ERGIC3: variants seen among roughly 807,000 people sequenced by gnomAD.
The protein encoded by ERGIC3 is endoplasmic reticulum-Golgi intermediate compartment protein 3.
ERGIC3 carries 33 observed loss-of-function variants against 54.7 expected under a neutral mutation model. The ratio of observed to expected loss-of-function variants is 0.60; its 90% CI spans 0.46 to 0.81. The LOEUF is 0.81. Among genes scored for constraint, ERGIC3 ranks in the 30% least tolerant of loss-of-function variants. ERGIC3 has a pLI of 0.00. For synonymous variants in ERGIC3, 186 were observed against 189.8 expected (o/e 0.98, Z 0.16); for missense variants, 399 against 488.4 (o/e 0.82, Z 1.73).
At position 35,544,614 on chromosome 20, in the gene ERGIC3, C is replaced by G. The variant is rs367815661; in HGVS notation, c.367+1673C>G. ...ATACGGGGCGAAACCACACACCTCT[C>G]GGATCATGTCCCACATGAATTTGGT... On this transcript the variant is annotated intron_variant, in intron 4 of 12. Coordinates refer to ENST00000348547, the MANE Select transcript of ERGIC3 (RefSeq NM_015966.3). 5 of 250,486 alleles carry G rather than the reference C, an allele frequency of 2.0e-5. No individual in the cohort carries two copies. In the East Asian group the frequency reaches 5.7e-4, roughly 28 times the overall value. 15.5% of individuals were successfully genotyped at this position (250,486 alleles called of 1,614,324 possible).
At chr20:35,550,552 G>T (rs929776979) in intron 7 of ERGIC3, among the ~76,000 whole-genome samples, 4 of 152,166 alleles carry the variant, frequency 2.6e-5, no homozygotes, top group African/African-American at 9.7e-5. Context: ...GGAGGTGGAG[G>T]TTGCAGTGAG....
chr20:35,545,847 C>T (rs897195543), intron 4 of ERGIC3, among the ~76,000 whole-genome samples: 1 of 152,050 alleles, frequency 6.6e-6, no homozygotes, highest in Admixed American at 6.6e-5. Context: ...TATTAAGAGG[C>T]AATTAGATGT....
At chr20:35,551,404 G>A (rs920238037) in intron 7 of ERGIC3, among the ~76,000 whole-genome samples, 4 of 152,066 alleles carry the variant, frequency 2.6e-5, no homozygotes, top group South Asian at 2.1e-4. Flanking sequence ...GGCTTTTGAC[G>A]TGTTCAGACC....
chr20:35,553,017 G>A (rs1298160889), intron 7 of ERGIC3, among the ~76,000 whole-genome samples: 1 of 35,048 alleles, frequency 2.9e-5, no homozygotes. Flanking sequence ...TTCAAAGCTG[G>A]GGATTTTTTT....
chr20:35,543,805 G>T (rs1392449387), intron 4 of ERGIC3: 1 of 438,298 alleles, frequency 2.3e-6, no homozygotes, highest in African/African-American at 2.0e-5. Flanking sequence ...GGAGGAGAAG[G>T]TTTTTTTGGT....
At position 35,544,585 on chromosome 20, in the gene ERGIC3, G is replaced by A. The variant is rs562442525; in HGVS notation, c.367+1644G>A. The A allele has an allele frequency of 7.3e-5, 19 of 258,710 alleles. No homozygotes were observed. The South Asian group carries it at 8.2e-4, about 11-fold the overall frequency. The allele number at this position is 258,710 out of a possible 1,614,324, so 16.0% of individuals were successfully genotyped here. A position where few individuals can be genotyped will look rare whatever the true frequency, so the allele number is the denominator to read the frequency against. The stretch of plus-strand genomic sequence containing the variant: ...ACCTTGAGTAACACCATGGCGTGCC[G>A]CTCATACGGGGCGAAACCACACACC... On this transcript the variant is annotated intron_variant, in intron 4 of 12. Transcript: ENST00000348547.
rs1250123346 is a variant in ERGIC3, at chr20:35,543,045, TAAGAGCTAGAGAAG to T, written c.367+105_367+118del. 6 of 1,554,350 alleles carry T rather than the reference TAAGAGCTAGAGAAG, an allele frequency of 3.9e-6. No individual in the cohort carries two copies. In the African/African-American group the frequency reaches 5.4e-5, roughly 14 times the overall value. ...CAGGCATAGTGATACATTAAACAAC[TAAGAGCTAGAGAAG>T]TCAAGTGACTTGCCTAGGGTCCCCC... On this transcript the variant is annotated intron_variant, in intron 4 of 12. Coordinates refer to ENST00000348547, the MANE Select transcript of ERGIC3 (RefSeq NM_015966.3).
chr20:35,555,068 T>G lies in ERGIC3; in HGVS notation c.710T>G (p.Leu237Arg). ...GTCCATGACTTGCAGAGCTTTGGCC[T>G]TGACAACGTACGTACCAGATGGAAA... is the stretch of plus-strand genomic sequence containing the variant. The part of the protein sequence containing the change: ...VHVHDLQSFG[L>R]DNINMTHYIQ... Residue 237 changes from leucine (L) to arginine (R), a missense_variant, in exon 8 of 13, where the codon CTT becomes CGT. Coordinates refer to ENST00000348547, the MANE Select transcript of ERGIC3 (RefSeq NM_015966.3). 6.2e-7 allele frequency: 1 copy of G among 1,613,646 alleles called. No individual in the cohort carries two copies. Among genetic ancestry groups the G allele is most frequent in the Non-Finnish European group, 8.5e-7 (1 of 1,179,938 alleles).
At chr20:35,545,806 A>C (rs1448330652) in intron 4 of ERGIC3, among the ~76,000 whole-genome samples, 2 of 152,106 alleles carry the variant, frequency 1.3e-5, no homozygotes, top group African/African-American at 4.8e-5. Flanking sequence ...GGGTATGTTA[A>C]ATTTGGGGTT....
chr20:35,554,451 G>A (rs1041077859), intron 7 of ERGIC3: 2 of 1,598,206 alleles, frequency 1.3e-6, no homozygotes, highest in Admixed American at 1.7e-5. Context: ...CTACTAGAAT[G>A]GCGGGGAGGT....
rs1235029528 is a variant in ERGIC3, at chr20:35,547,425, C to T, written c.381C>T (p.Val127=). Residue 127 remains valine, a synonymous_variant, in exon 5 of 13, where the codon GTC becomes GTT. Coordinates refer to ENST00000348547, the MANE Select transcript of ERGIC3 (RefSeq NM_015966.3). ...CCCTCCCCTTAGAGCTTGGGAAAGT[C>T]GAGGTGACGGTGTTTGACCCTGACT... The part of the protein sequence containing the change: ...SEAERHELGK[V]EVTVFDPDSL... 1.1e-5 allele frequency: 17 copies of T among 1,613,964 alleles called. No individual in the cohort carries two copies. The highest frequency in any genetic ancestry group is 1.4e-5 in the Non-Finnish European group (17 of 1,179,992).
rs224414 is a variant in ERGIC3, at chr20:35,547,515, C to A, written c.461+10C>A. The A allele has an allele frequency of 5.9e-5, 95 of 1,612,546 alleles. No individual in the cohort carries two copies. The highest frequency in any genetic ancestry group is 1.8e-4 in the South Asian group (16 of 91,042). On this transcript the variant is annotated intron_variant, in intron 5 of 12. Coordinates refer to ENST00000348547, the MANE Select transcript of ERGIC3 (RefSeq NM_015966.3). ...AGGCAGAAGATATCAAGTGAGCTGGCGGGGAGCGGGAGCAGGGTTCCCATC... is the reference window on the plus strand; with the variant it reads ...AGGCAGAAGATATCAAGTGAGCTGGAGGGGAGCGGGAGCAGGGTTCCCATC...
chr20:35,543,429 T>A (rs2064628467), intron 4 of ERGIC3: 1 of 345,896 alleles, frequency 2.9e-6, no homozygotes, highest in Non-Finnish European at 5.7e-6. Context: ...AAAGTGGTAA[T>A]AAAACAGTAG....
chr20:35,547,322 A>G, intron 4 of ERGIC3, 90 bp from the exon 5 acceptor site: 3 of 918,668 alleles, frequency 3.3e-6, no homozygotes, highest in South Asian at 1.4e-5. Flanking sequence ...AACTTTTATT[A>G]TCCCTAAGCA....
At position 35,542,539 on chromosome 20, in the gene ERGIC3, G is replaced by A. The variant is rs1343492730; in HGVS notation, c.186G>A (p.Lys62=). 10 of 1,613,988 alleles carry A rather than the reference G, an allele frequency of 6.2e-6. No individual in the cohort carries two copies. Among genetic ancestry groups the A allele is most frequent in the Middle Eastern group, 1.7e-4 (1 of 6,060 alleles). The change falls in exon 3 of 13, where the codon AAG becomes AAA. Residue 62 remains lysine (K), a synonymous_variant. Coordinates refer to ENST00000348547, the MANE Select transcript of ERGIC3 (RefSeq NM_015966.3). ...TEVHPELYVD[K]SRGDKLKINI... ...TGCATCCTGAGCTCTACGTGGACAA[G>A]TCGCGGGGAGATAAACTGAAGATCA...
rs909405653 is a variant in ERGIC3, at chr20:35,542,094, C to T, written c.-4C>T. Reference sequence around the variant, plus strand: ...GGCTGGCGTCCCCTTTCCGGCCGGTCCCCATGGAGGCGCTGGGGAAGCTGA... The same window carrying T: ...GGCTGGCGTCCCCTTTCCGGCCGGTTCCCATGGAGGCGCTGGGGAAGCTGA... On this transcript the variant is annotated 5_prime_UTR_variant, in exon 1 of 13. Coordinates refer to ENST00000348547, the MANE Select transcript of ERGIC3 (RefSeq NM_015966.3). The T allele has an allele frequency of 2.6e-6, 4 of 1,534,228 alleles. No individual in the cohort carries two copies. Among genetic ancestry groups the T allele is most frequent in the Non-Finnish European group, 3.5e-6 (4 of 1,142,270 alleles).
At chr20:35,548,983 C>A in intron 7 of ERGIC3, 118 bp downstream of exon 7, 14 of 1,242,910 alleles carry the variant, frequency 1.1e-5, no homozygotes, top group Non-Finnish European at 1.4e-5. Context: ...CCAGAGCAGG[C>A]CTTCATCTCA....
intron 7 of ERGIC3, chr20:35,554,810 G>T: frequency 1.6e-6 from 1 of 616,392 alleles, no homozygotes; most frequent in Non-Finnish European, 2.9e-6. Flanking sequence ...CCCTGTGGAC[G>T]TCAGGGAGGA....
Position 35,557,050 on chromosome 20 carries a change from C to A in ERGIC3, c.957C>A (p.Pro319=), listed in dbSNP as rs200279726. ...ANGLLGDQGL[P]GVFVLYELSP... Reference sequence around the variant, plus strand: ...GGCTGTTGGGCGACCAAGGCCTTCCCGGAGTCTTCGTCCTCTATGAGCTCT... The same window carrying A: ...GGCTGTTGGGCGACCAAGGCCTTCCAGGAGTCTTCGTCCTCTATGAGCTCT... The change falls in exon 11 of 13, where the codon CCC becomes CCA. Residue 319 remains proline, a synonymous_variant. Coordinates refer to ENST00000348547, the MANE Select transcript of ERGIC3 (RefSeq NM_015966.3). 2 of 1,614,264 alleles carry A rather than the reference C, an allele frequency of 1.2e-6. No homozygotes were observed. The highest frequency in any genetic ancestry group is 1.7e-6 in the Non-Finnish European group (2 of 1,180,040).
Sources: allele counts gnomAD v4.1 joint callset (sites outside exome capture counted in the v4.1 genomes callset), GRCh38; gene constraint gnomAD v4.1.1; transcripts MANE v1.5; gene names NCBI Gene and HGNC (gene_info 2026-07-23, HGNC 2026-07-21).